ITGBL1: variants seen among roughly 807,000 people sequenced by gnomAD.
ITGBL1 encodes integrin subunit beta like 1.
A neutral mutation model predicts 68.5 loss-of-function variants in ITGBL1; 51 were observed. That is an observed-to-expected ratio of 0.74 (90% CI 0.59 to 0.94). The LOEUF (loss-of-function observed/expected upper bound fraction) is 0.94. Ranked by LOEUF, ITGBL1 falls within the 40% of genes least tolerant of loss-of-function variation. ITGBL1 has a pLI of 0.00. For synonymous variants in ITGBL1, 209 were observed against 227.3 expected (o/e 0.92, Z 0.72); for missense variants, 649 against 647.4 (o/e 1.00, Z -0.03).
At chr13:101,605,652 A>G (rs2030764932) in intron 7 of ITGBL1, among the ~76,000 whole-genome samples, 1 of 151,612 alleles carries the variant, frequency 6.6e-6, no homozygotes, top group South Asian at 2.1e-4. Flanking sequence ...GTGTATGCGT[A>G]TGCACGTATG....
In ITGBL1 at chr13:101,504,302, C is replaced by T. The variant is rs1285541244; in HGVS notation, c.316+50202C>T. Among the ~76,000 whole-genome samples, 3 of 152,110 alleles carry T rather than the reference C, an allele frequency of 2.0e-5. 1 individual carries two copies. The highest frequency in any genetic ancestry group is 4.4e-5 in the Non-Finnish European group (3 of 68,022). On this transcript the variant is annotated intron_variant, in intron 2 of 10. Transcript: ENST00000376180. Reference sequence around the variant, plus strand: ...AGATACAAAGTAGATGGAAAGGAATCATGCCCTCTCAGAGTCACGATCCAG... The same window carrying T: ...AGATACAAAGTAGATGGAAAGGAATTATGCCCTCTCAGAGTCACGATCCAG...
At chr13:101,573,343 A>T (rs1448647855) in intron 3 of ITGBL1, among the ~76,000 whole-genome samples, 1 of 152,166 alleles carries the variant, frequency 6.6e-6, no homozygotes, top group East Asian at 1.9e-4. Context: ...CAAGATAGAA[A>T]AATAAATTCT....
chr13:101,718,590 C>T (rs1258848155), downstream of ITGBL1: 1 of 151,916 alleles, frequency 6.6e-6, no homozygotes, highest in Non-Finnish European at 1.5e-5. Flanking sequence ...GGTATTCCAC[C>T]CAGAGACTTT....
intron 2 of ITGBL1, among the ~76,000 whole-genome samples, chr13:101,502,619 C>G (rs2048961473): frequency 6.6e-6 from 1 of 152,092 alleles, no homozygotes; most frequent in Admixed American, 6.6e-5. Context: ...TAGGCTGGTT[C>G]ATACATTTAC....
intron 2 of ITGBL1, among the ~76,000 whole-genome samples, chr13:101,485,649 G>A (rs1419862102): frequency 6.6e-6 from 1 of 152,052 alleles, no homozygotes; most frequent in Non-Finnish European, 1.5e-5. Flanking sequence ...AAAATTACCT[G>A]GGCGTGGTGG....
chr13:101,641,964 G>A (rs2032394821), intron 7 of ITGBL1, among the ~76,000 whole-genome samples: 1 of 152,026 alleles, frequency 6.6e-6, no homozygotes, highest in Non-Finnish European at 1.5e-5. Context: ...GTCTGTCATT[G>A]TTGGACATTT....
intron 8 of ITGBL1, among the ~76,000 whole-genome samples, chr13:101,698,132 C>A (rs2034045297): frequency 6.6e-6 from 1 of 152,130 alleles, no homozygotes; most frequent in Non-Finnish European, 1.5e-5. Context: ...AGTTCTCCAC[C>A]AGACACTAAA....
chr13:101,586,714 T>C (rs2050563324), intron 6 of ITGBL1, among the ~76,000 whole-genome samples: 1 of 152,206 alleles, frequency 6.6e-6, no homozygotes, highest in Non-Finnish European at 1.5e-5. Flanking sequence ...GAGGAAGAAC[T>C]GTCCTCTGGG....
chr13:101,712,689 T>A, intron 9 of ITGBL1: 1 of 152,202 alleles, frequency 6.6e-6, no homozygotes, highest in East Asian at 1.9e-4. Context: ...ACTTCTCTGA[T>A]AGTCAATGAA....
intron 7 of ITGBL1, among the ~76,000 whole-genome samples, chr13:101,623,007 T>G (rs1276590053): frequency 2.6e-5 from 4 of 151,960 alleles, no homozygotes; most frequent in African/African-American, 9.7e-5. Flanking sequence ...TTTTCATTAT[T>G]TATGCTTGTT....
intron 8 of ITGBL1, among the ~76,000 whole-genome samples, chr13:101,699,188 T>A (rs560190587): frequency 2.0e-5 from 3 of 152,220 alleles, no homozygotes; most frequent in African/African-American, 7.2e-5. Context: ...CACACCTGTT[T>A]CGTGAATTTG....
intron 7 of ITGBL1, among the ~76,000 whole-genome samples, chr13:101,691,336 C>A (rs1464038523): frequency 6.6e-6 from 1 of 152,184 alleles, no homozygotes; most frequent in Non-Finnish European, 1.5e-5. Flanking sequence ...CCCATCATGT[C>A]AGCTAGAAAA....
intron 2 of ITGBL1, among the ~76,000 whole-genome samples, chr13:101,496,895 T>C (rs2048864939): frequency 6.6e-6 from 1 of 152,054 alleles, no homozygotes; most frequent in Non-Finnish European, 1.5e-5. Flanking sequence ...GAGATGAACA[T>C]GGAGGAATTA....
chr13:101,663,418 C>G (rs965196786), intron 7 of ITGBL1, among the ~76,000 whole-genome samples: 3 of 152,028 alleles, frequency 2.0e-5, no homozygotes, highest in African/African-American at 7.2e-5. Context: ...CTTTGAGAAG[C>G]AAAAGTGGCT....
At chr13:101,640,879 G>A (rs1333237187) in intron 7 of ITGBL1, among the ~76,000 whole-genome samples, 1 of 152,084 alleles carries the variant, frequency 6.6e-6, no homozygotes, top group African/African-American at 2.4e-5. Context: ...CCTGAGAGCA[G>A]TACATTAGCA....
chr13:101,695,625 T>C (rs941680821), intron 8 of ITGBL1, among the ~76,000 whole-genome samples: 1 of 152,076 alleles, frequency 6.6e-6, no homozygotes, highest in African/African-American at 2.4e-5. Flanking sequence ...TGGTGAGAGA[T>C]GAAGGTGCCT....
chr13:101,484,153 C>A (rs1438406877), intron 2 of ITGBL1, among the ~76,000 whole-genome samples: 5 of 151,658 alleles, frequency 3.3e-5, no homozygotes, highest in African/African-American at 1.2e-4. Flanking sequence ...CCAGAAGCAA[C>A]ATTTTAGCTA....
Position 101,579,371 on chromosome 13 carries a change from C to T in ITGBL1, c.671C>T (p.Pro224Leu). The change falls in exon 5 of 11, where the codon CCC (proline) becomes CTC (leucine). Residue 224 changes from proline to leucine, a missense_variant. By Grantham distance (98) the Pro-to-Leu change is moderately conservative. Coordinates refer to ENST00000376180, the MANE Select transcript of ITGBL1 (RefSeq NM_004791.3). ...TGTGAATTCCAGTGCGATATCACCC[C>T]CTGGGAAAGCAAGCGAAGATGCACG... is the stretch of plus-strand genomic sequence containing the variant. ...DKCEFQCDIT[P>L]WESKRRCTSP... 6.2e-7 allele frequency: 1 copy of T among 1,613,900 alleles called. No individual in the cohort carries two copies. The highest frequency in any genetic ancestry group is 8.5e-7 in the Non-Finnish European group (1 of 1,179,892).
intron 7 of ITGBL1, among the ~76,000 whole-genome samples, chr13:101,664,373 A>G (rs1013552097): frequency 1.3e-5 from 2 of 152,196 alleles, no homozygotes; most frequent in African/African-American, 2.4e-5. Flanking sequence ...TTATTTTGGG[A>G]AATCTTGAAT....
Sources: gnomAD v4.1 joint callset for allele counts (sites outside exome capture counted in the v4.1 genomes callset) on GRCh38, gnomAD v4.1.1 for gene constraint, MANE v1.5 for transcripts, NCBI Gene and HGNC (gene_info 2026-07-23, HGNC 2026-07-21) for gene names.